Variants in P2RX4 observed in about 807,000 individuals in gnomAD.
P2RX4 encodes the protein purinergic receptor P2X 4.
P2RX4 carries 37 observed loss-of-function variants against 48.0 expected under a neutral mutation model. That is an observed-to-expected ratio of 0.77 (90% CI 0.59 to 1.01). The LOEUF is 1.01. P2RX4 is among the 50% of genes least tolerant of loss of function. The pLI, the probability that P2RX4 is intolerant of heterozygous loss-of-function variation, is 0.00. For missense variants in P2RX4, 501 were observed against 521.4 expected, an observed-to-expected ratio of 0.96 and a Z score of 0.38; for synonymous variants, 200 against 199.7, an observed-to-expected ratio of 1.00 and a Z score of -0.01.
At position 121,229,096 on chromosome 12, in the gene P2RX4, T is replaced by C; in HGVS notation, c.881T>C (p.Phe294Ser). The C allele has an allele frequency of 6.2e-7, 1 of 1,614,034 alleles. No individual in the cohort carries two copies. Among genetic ancestry groups the C allele is most frequent in the Non-Finnish European group, 8.5e-7 (1 of 1,179,992 alleles). ...CACAACGTATCTCCTGGCTACAATT[T>C]CAGGTGGGCGTGAGCTTGGGCCCCT... ...VEHNVSPGYN[F>S]RFAKYYRDLA... The change falls in exon 8 of 12, where the codon TTC (phenylalanine) becomes TCC (serine). Residue 294 changes from phenylalanine (F) to serine (S), a missense_variant. Physicochemically the swap from Phe to Ser is radical, Grantham distance 155. This residue lies in a region of P2RX4 where 197 missense variants were observed against 219.5 expected (regional missense o/e 0.90). Coordinates refer to ENST00000337233, the MANE Select transcript of P2RX4 (RefSeq NM_002560.3). This position sits in a 1 kb window ranked among gnomAD's most constrained non-coding sequence, Gnocchi z 4.6.
intron 2 of P2RX4, among the ~76,000 whole-genome samples, chr12:121,220,852 T>C (rs886267167): frequency 6.6e-6 from 1 of 152,170 alleles, no homozygotes; most frequent in Admixed American, 6.5e-5. Context: ...TGGACTTGAC[T>C]GTTCTGGAAA....
At chr12:121,221,197 T>TGTGTGTGTGTG (rs1566003236) in intron 2 of P2RX4, among the ~76,000 whole-genome samples, 1 of 91,030 alleles carries the variant, frequency 1.1e-5, no homozygotes, top group Non-Finnish European at 2.2e-5. Context: ...TGTGTGTGTG[T>TGTGTGTGTGTG]TTTTAGTACA....
At chr12:121,216,708 T>A (rs1886244152) in intron 1 of P2RX4, 1 of 439,454 alleles carries the variant, frequency 2.3e-6, no homozygotes, top group Non-Finnish European at 4.2e-6. Context: ...TAATCCCAGC[T>A]ACTTGGGAAG....
At chr12:121,221,476 C>G (rs1886604864) in intron 2 of P2RX4, among the ~76,000 whole-genome samples, 1 of 151,012 alleles carries the variant, frequency 6.6e-6, no homozygotes, top group Non-Finnish European at 1.5e-5. Flanking sequence ...TCGCTGCAAC[C>G]TCCGACTCCC....
Position 121,229,216 on chromosome 12 carries a change from C to G in P2RX4, c.884+117C>G. On this transcript the variant is annotated intron_variant, in intron 8 of 11. Transcript: ENST00000337233. The surrounding 1 kb of genome is among the most constrained non-coding windows in gnomAD (Gnocchi z 4.6). ...AGGCAGCACCCCAAGGGCAGGCTGC[C>G]GGTCCCCCGTCCAAGGCGGCGGGAA... The G allele has an allele frequency of 4.7e-6, 6 of 1,287,572 alleles. No individual in the cohort carries two copies. Among genetic ancestry groups the G allele is most frequent in the Non-Finnish European group, 6.7e-6 (6 of 901,250 alleles). The allele number at this position is 1,287,572 out of a possible 1,614,324, so 79.8% of individuals were successfully genotyped here.
chr12:121,228,818 C>T lies in P2RX4; in HGVS notation c.699C>T (p.Gly233=), dbSNP rs1490026027. The change falls in exon 7 of 12, where the codon GGC becomes GGT. Residue 233 remains glycine (G), a synonymous_variant. Transcript: ENST00000337233. ...TDPFCPIFRL[G]KIVENAGHSF... ...CCTTCTGCCCCATATTCCGTCTTGG[C>T]AAAATAGTGGAGAACGCAGGACACA... 4 of 1,614,048 alleles carry T rather than the reference C, an allele frequency of 2.5e-6. No individual in the cohort carries two copies. The highest frequency in any genetic ancestry group is 3.4e-6 in the Non-Finnish European group (4 of 1,180,046).
chr12:121,230,898 G>A (rs183223935), intron 8 of P2RX4, among the ~76,000 whole-genome samples: 1 of 147,970 alleles, frequency 6.8e-6, no homozygotes, highest in Non-Finnish European at 1.5e-5. Flanking sequence ...TCGCGTGCTC[G>A]CTCTCTCTCT....
At chr12:121,211,454 G>C (rs1158571733) in intron 1 of P2RX4, among the ~76,000 whole-genome samples, 2 of 152,168 alleles carry the variant, frequency 1.3e-5, no homozygotes, top group African/African-American at 4.8e-5. Flanking sequence ...CTCCCAAAAT[G>C]CTGGGATTAC....
intron 5 of P2RX4, among the ~76,000 whole-genome samples, chr12:121,226,952 A>C (rs1426103752): frequency 6.6e-6 from 1 of 151,934 alleles, no homozygotes; most frequent in Non-Finnish European, 1.5e-5. Context: ...ATCTCTACTA[A>C]AAATATGAAA....
chr12:121,210,682 G>T (rs1885775147), intron 1 of P2RX4, among the ~76,000 whole-genome samples: 2 of 152,236 alleles, frequency 1.3e-5, no homozygotes, highest in Admixed American at 6.5e-5. Flanking sequence ...AGGAGGCTGA[G>T]GTGGGAGGAT....
In P2RX4 at chr12:121,222,077, G is replaced by A. The variant is rs539885519; in HGVS notation, c.355-17G>A. The A allele has an allele frequency of 1.9e-5, 30 of 1,612,582 alleles. No homozygotes were observed. The highest frequency in any genetic ancestry group is 1.6e-4 in the Middle Eastern group (1 of 6,062). ...GCCGGGCCACGTGGACTTTCTTTTC[G>A]CTCCTTCTTTTTCCAGATTCCAGAT... On this transcript the variant is annotated splice_polypyrimidine_tract_variant and intron_variant, in intron 3 of 11. Transcript: ENST00000337233.
At chr12:121,221,229 G>A (rs1462839885) in intron 2 of P2RX4, among the ~76,000 whole-genome samples, 1 of 150,894 alleles carries the variant, frequency 6.6e-6, no homozygotes, top group Non-Finnish European at 1.5e-5. Flanking sequence ...TGTTGGCCAG[G>A]CTAATCTGGA....
At chr12:121,221,154 GTC>G (rs370810656) in intron 2 of P2RX4, among the ~76,000 whole-genome samples, 17,391 of 129,602 alleles carry the variant, frequency 0.13, 1,231 homozygotes, top group Non-Finnish European at 0.17. Flanking sequence ...GTGTGCGTGT[GTC>G]TGTGTGTGTT....
intron 1 of P2RX4, chr12:121,216,602 C>T (rs1465758834): frequency 1.5e-5 from 4 of 268,698 alleles, no homozygotes; most frequent in African/African-American, 9.0e-5. Flanking sequence ...GGGTGGATCA[C>T]CTGAGGTCAG....
intron 1 of P2RX4, among the ~76,000 whole-genome samples, chr12:121,212,704 G>A (rs551387376): frequency 1.4e-5 from 2 of 145,910 alleles, no homozygotes; most frequent in South Asian, 2.2e-4. Flanking sequence ...CAGGAGAATC[G>A]TTTGAATCCA....
At chr12:121,216,735 G>T in intron 1 of P2RX4, 1 of 479,460 alleles carries the variant, frequency 2.1e-6, no homozygotes, top group South Asian at 2.2e-5. Context: ...CAGGAGAATT[G>T]CCTGAACCCG....
chr12:121,222,398 G>GTTTTTTTTTTTTTTT, intron 4 of P2RX4: 1 of 425,546 alleles, frequency 2.3e-6, no homozygotes, highest in Middle Eastern at 6.4e-4. Context: ...GTTTTTTCTT[G>GTTTTTTTTTTTTTTT]TTTTTTTTTT....
At chr12:121,212,210 A>C (rs1885909836) in intron 1 of P2RX4, among the ~76,000 whole-genome samples, 1 of 152,208 alleles carries the variant, frequency 6.6e-6, no homozygotes, top group African/African-American at 2.4e-5. Context: ...AATATCTGTC[A>C]GCAGCAGCAG....
At chr12:121,214,751 C>T (rs1460912216) in intron 1 of P2RX4, 1 of 152,338 alleles carries the variant, frequency 6.6e-6, no homozygotes, top group African/African-American at 2.4e-5. Flanking sequence ...ACTGCTCGAT[C>T]ACACACACTC....
Sources: allele counts gnomAD v4.1 joint callset (sites outside exome capture counted in the v4.1 genomes callset), GRCh38; gene constraint gnomAD v4.1.1; regional missense constraint gnomAD v4.1.1; non-coding constraint Gnocchi (gnomAD v3.1); transcripts MANE v1.5; gene names NCBI Gene and HGNC (gene_info 2026-07-23, HGNC 2026-07-21).